NOL4: variants seen among roughly 807,000 people sequenced by gnomAD.
NOL4 encodes cancer/testis antigen 125.
Under a neutral mutation model 75.9 loss-of-function variants are expected in NOL4, and 17 were observed. The ratio of observed to expected loss-of-function variants is 0.22; its 90% CI spans 0.15 to 0.34. NOL4 has a LOEUF of 0.34. NOL4 is among the 10% of genes least tolerant of loss of function. NOL4 has a pLI of 1.00. For missense variants in NOL4, 614 were observed against 793.5 expected, an observed-to-expected ratio of 0.77 and a Z score of 2.72; for synonymous variants, 292 against 289.9, an observed-to-expected ratio of 1.01 and a Z score of -0.07.
chr18:34,135,825 C>T (rs2080869161), intron 1 of NOL4, among the ~76,000 whole-genome samples: 1 of 151,766 alleles, frequency 6.6e-6, no homozygotes, highest in African/African-American at 2.4e-5. Context: ...CAAAACACTT[C>T]CCAAATTATC....
At chr18:33,932,619 A>G (rs563554889) in intron 9 of NOL4, among the ~76,000 whole-genome samples, 22 of 152,186 alleles carry the variant, frequency 1.4e-4, no homozygotes, top group Admixed American at 6.6e-4. Context: ...AGGTGGTGGA[A>G]TTACTAGTAA....
chr18:33,923,223 A>C (rs1279554859), intron 9 of NOL4, among the ~76,000 whole-genome samples: 2 of 152,236 alleles, frequency 1.3e-5, no homozygotes, highest in East Asian at 3.8e-4. Flanking sequence ...TCATAATGTC[A>C]TAAGGTCATG....
At position 34,129,947 on chromosome 18, in the gene NOL4, T is replaced by G; in HGVS notation, c.338A>C (p.Tyr113Ser). 6.2e-7 allele frequency: 1 copy of G among 1,600,562 alleles called. No homozygotes were observed. Among genetic ancestry groups the G allele is most frequent in the Non-Finnish European group, 8.5e-7 (1 of 1,172,790 alleles). ...TGGCCCCGTTTCCACATGCATCGAA[T>G]AAATAATGTCAAAGAAATCTTCAAC... ...AVVEDFFDII[Y>S]SMHVETGPNG... is the part of the protein sequence containing the mutation. The change falls in exon 2 of 11, where the codon TAT becomes TCT. Residue 113 changes from tyrosine to serine, a missense_variant. Around this residue, in one of 9 missense-constraint regions of NOL4, gnomAD observed 135 missense variants for 220.4 expected, o/e 0.61. Coordinates refer to ENST00000261592, the MANE Select transcript of NOL4 (RefSeq NM_003787.5).
chr18:33,958,907 A>G (rs1392900518), intron 6 of NOL4, among the ~76,000 whole-genome samples: 1 of 152,116 alleles, frequency 6.6e-6, no homozygotes, highest in Non-Finnish European at 1.5e-5. Flanking sequence ...CAGTTATGGA[A>G]ACTGAGGGAT....
At chr18:33,890,551 G>T (rs1424377758) in intron 9 of NOL4, among the ~76,000 whole-genome samples, 1 of 151,826 alleles carries the variant, frequency 6.6e-6, no homozygotes, top group East Asian at 1.9e-4. Flanking sequence ...CAAAAACAGG[G>T]TGAGTTTTAT....
Position 33,940,144 on chromosome 18 carries a change from C to T in NOL4, c.1542+2921G>A, listed in dbSNP as rs147564790. ...TCAACCATTGTGGAAGACAATGTGG[C>T]GATTCTTCAAGGATCTAGAACCAGA... On this transcript the variant is annotated intron_variant, in intron 9 of 10. Coordinates refer to ENST00000261592, the MANE Select transcript of NOL4 (RefSeq NM_003787.5). Among the ~76,000 whole-genome samples the T allele has an allele frequency of 6.5e-3, 990 of 152,038 alleles. 9 individuals are homozygous for T. The highest frequency in any genetic ancestry group is 0.023 in the African/African-American group (947 of 41,504).
chr18:33,890,757 A>T (rs937399864), intron 9 of NOL4, among the ~76,000 whole-genome samples: 1 of 152,090 alleles, frequency 6.6e-6, no homozygotes, highest in African/African-American at 2.4e-5. Context: ...TATTTCAACA[A>T]ATCTGTTGTT....
At chr18:34,144,643 G>T (rs964872417) in intron 1 of NOL4, among the ~76,000 whole-genome samples, 2 of 152,026 alleles carry the variant, frequency 1.3e-5, no homozygotes, top group Non-Finnish European at 2.9e-5. Flanking sequence ...GGAAAGAAAA[G>T]TTAGGCTAAA....
rs34125584 is a variant in NOL4 at position 33,970,725 on chromosome 18, TTG to T, written c.1057-12309_1057-12308del. 7.0e-3 allele frequency among the ~76,000 whole-genome samples: 1,021 copies of T among 146,172 alleles called. 16 individuals are homozygous for T. Among genetic ancestry groups the T allele is most frequent in the East Asian group, 0.057 (288 of 5,056 alleles). On this transcript the variant is annotated intron_variant, in intron 6 of 10. Coordinates refer to ENST00000261592, the MANE Select transcript of NOL4 (RefSeq NM_003787.5). The stretch of plus-strand genomic sequence containing the variant: ...TGGAAAACTTACTTCTTCAAGCTAT[TTG>T]TGTGTGTGTGTGTGTGTGTGTGTGT...
chr18:34,212,735 C>A lies in NOL4; in HGVS notation c.264+10255G>T, dbSNP rs147149904. On this transcript the variant is annotated intron_variant, in intron 1 of 10. Coordinates refer to ENST00000261592, the MANE Select transcript of NOL4 (RefSeq NM_003787.5). ...TCCCTTGTGGTTGTAGAACTACAGTCCCCATTATTGTGCTCGTTGTCAGCC... is the reference window on the plus strand; with the variant it reads ...TCCCTTGTGGTTGTAGAACTACAGTACCCATTATTGTGCTCGTTGTCAGCC... Among the ~76,000 whole-genome samples the A allele has an allele frequency of 5.9e-5, 9 of 152,308 alleles. No individual in the cohort carries two copies. In the East Asian group the frequency reaches 1.7e-3, roughly 30 times the overall value.
chr18:34,083,087 G>GCT (rs5823936), intron 5 of NOL4, among the ~76,000 whole-genome samples: 8 of 151,306 alleles, frequency 5.3e-5, no homozygotes, highest in Admixed American at 6.6e-5. Context: ...GCTAAATTTT[G>GCT]CTCTCTCTCT....
chr18:34,090,371 G>GA (rs2078454022), intron 5 of NOL4, among the ~76,000 whole-genome samples: 1 of 152,078 alleles, frequency 6.6e-6, no homozygotes, highest in African/African-American at 2.4e-5. Flanking sequence ...TAATAATTGA[G>GA]AAAAATAATG....
At chr18:33,888,756 C>T (rs569209204) in intron 9 of NOL4, among the ~76,000 whole-genome samples, 1 of 152,188 alleles carries the variant, frequency 6.6e-6, no homozygotes, top group South Asian at 2.1e-4. Context: ...TCTGAGGCCT[C>T]TGCTCTGTTT....
chr18:34,203,153 G>A (rs769870923), intron 1 of NOL4, among the ~76,000 whole-genome samples: 2 of 151,948 alleles, frequency 1.3e-5, no homozygotes, highest in African/African-American at 2.4e-5. Flanking sequence ...TAAATCTCCA[G>A]GGAATTATAC....
chr18:34,042,948 A>T (rs1010273722), intron 5 of NOL4, among the ~76,000 whole-genome samples: 2 of 152,096 alleles, frequency 1.3e-5, no homozygotes, highest in Admixed American at 6.6e-5. Flanking sequence ...TGTCATTCAC[A>T]ACCTGTGTGG....
chr18:33,933,073 G>A (rs763771369), intron 9 of NOL4, among the ~76,000 whole-genome samples: 11 of 152,186 alleles, frequency 7.2e-5, no homozygotes, highest in East Asian at 5.8e-4. Flanking sequence ...TGAAAGTTCC[G>A]TTCTAGACCA....
intron 8 of NOL4, among the ~76,000 whole-genome samples, chr18:33,949,026 T>A (rs2069027147): frequency 6.6e-6 from 1 of 152,088 alleles, no homozygotes; most frequent in Non-Finnish European, 1.5e-5. Context: ...ACCTAAGGTT[T>A]TACTTTTTCC....
At chr18:34,116,617 T>C (rs1344306177) in intron 2 of NOL4, among the ~76,000 whole-genome samples, 1 of 152,150 alleles carries the variant, frequency 6.6e-6, no homozygotes, top group African/African-American at 2.4e-5. Context: ...AGTATCAGAG[T>C]CTTCAGAAAT....
intron 9 of NOL4, among the ~76,000 whole-genome samples, chr18:33,884,102 A>G (rs144720040): frequency 2.0e-5 from 3 of 152,130 alleles, no homozygotes; most frequent in Non-Finnish European, 4.4e-5. Context: ...GGTAATTTTT[A>G]TGTTAGAATT....
Sources: gnomAD v4.1 joint callset for allele counts (sites outside exome capture counted in the v4.1 genomes callset) on GRCh38, gnomAD v4.1.1 for gene constraint, gnomAD v4.1.1 regional missense constraint, MANE v1.5 for transcripts, NCBI Gene and HGNC (gene_info 2026-07-23, HGNC 2026-07-21) for gene names.